WDR27: variants seen among roughly 807,000 people sequenced by gnomAD.
WDR27 encodes WD repeat-containing protein 27.
Under a neutral mutation model 114.4 loss-of-function variants are expected in WDR27, and 100 were observed. The ratio of observed to expected loss-of-function variants is 0.87; its 90% CI spans 0.74 to 1.03. The LOEUF is 1.03. WDR27 is among the 50% of genes least tolerant of loss of function. WDR27 has a pLI of 0.00. For synonymous variants in WDR27, 449 were observed against 423.1 expected (o/e 1.06, Z -0.75); for missense variants, 1,129 against 1,092.9 (o/e 1.03, Z -0.47).
chr6:169,532,033 A>G (rs1795667578), intron 25 of WDR27, among the ~76,000 whole-genome samples: 1 of 152,246 alleles, frequency 6.6e-6, no homozygotes, highest in Admixed American at 6.5e-5. Context: ...AGTATCTTTA[A>G]AGTCTTAAAT....
chr6:169,626,789 C>T (rs1318244652), intron 21 of WDR27, among the ~76,000 whole-genome samples: 1 of 152,220 alleles, frequency 6.6e-6, no homozygotes, highest in African/African-American at 2.4e-5. Flanking sequence ...CACACAGAAC[C>T]AGCCCTTCGA....
intron 24 of WDR27, among the ~76,000 whole-genome samples, chr6:169,582,218 A>G (rs1584376180): frequency 6.6e-6 from 1 of 151,824 alleles, no homozygotes; most frequent in Non-Finnish European, 1.5e-5. Flanking sequence ...CAGGTGATTC[A>G]CCCGCCTCGG....
chr6:169,445,032 G>T, the WDR27 span, among the ~76,000 whole-genome samples: 1 of 152,096 alleles, frequency 6.6e-6, no homozygotes, highest in Non-Finnish European at 1.5e-5. Flanking sequence ...TGGCACACAG[G>T]ATGGGATTCG....
At chr6:169,481,028 TA>T (rs913607487) in intron 25 of WDR27, among the ~76,000 whole-genome samples, 15 of 151,876 alleles carry the variant, frequency 9.9e-5, no homozygotes, top group African/African-American at 3.6e-4. Context: ...GCTAAATGTT[TA>T]TGGATGCATC....
intron 23 of WDR27, among the ~76,000 whole-genome samples, chr6:169,593,313 G>A (rs922237190): frequency 6.6e-6 from 1 of 152,154 alleles, no homozygotes; most frequent in Non-Finnish European, 1.5e-5. Context: ...ACGAAAAGTG[G>A]CCTGTTAAAT....
the WDR27 span, among the ~76,000 whole-genome samples, chr6:169,439,933 G>A: frequency 1.3e-5 from 2 of 149,694 alleles, no homozygotes; most frequent in African/African-American, 4.9e-5. Context: ...TATTATATTG[G>A]TAATATAATT....
At chr6:169,617,882 G>C (rs770586339) in intron 21 of WDR27, among the ~76,000 whole-genome samples, 1 of 152,192 alleles carries the variant, frequency 6.6e-6, no homozygotes, top group Non-Finnish European at 1.5e-5. Context: ...TCTGCAGCTC[G>C]ATTTTACAGC....
At position 169,477,962 on chromosome 6, in the gene WDR27, TA is replaced by T. The variant is rs201023042; in HGVS notation, c.2646-20329del. The stretch of plus-strand genomic sequence containing the variant: ...TATGCAATGGAACTTGACTTGGCAA[TA>T]AAAAAAACTATTGATACATAAACAA... On this transcript the variant is annotated intron_variant, in intron 25 of 25. Coordinates refer to ENST00000448612, the MANE Select transcript of WDR27 (RefSeq NM_182552.5). Among the ~76,000 whole-genome samples the T allele has an allele frequency of 1.7e-3, 252 of 151,974 alleles. 2 individuals carry two copies. The highest frequency in any genetic ancestry group is 3.4e-3 in the Middle Eastern group (1 of 292).
At chr6:169,450,428 T>C in the WDR27 span, among the ~76,000 whole-genome samples, 2 of 152,220 alleles carry the variant, frequency 1.3e-5, no homozygotes, top group Non-Finnish European at 2.9e-5. Context: ...TGAACGGAAT[T>C]GCACAGGAGC....
chr6:169,679,423 G>A (rs1199742556), intron 2 of WDR27, among the ~76,000 whole-genome samples: 1 of 152,210 alleles, frequency 6.6e-6, no homozygotes, highest in Non-Finnish European at 1.5e-5. Flanking sequence ...AGGGGACCAG[G>A]AGTAGAATGA....
chr6:169,596,239 C>G (rs1298556307), intron 23 of WDR27, among the ~76,000 whole-genome samples: 1 of 151,942 alleles, frequency 6.6e-6, no homozygotes, highest in Non-Finnish European at 1.5e-5. Flanking sequence ...CCAGGGACTC[C>G]TTTTACATGT....
In WDR27 at chr6:169,665,387, G is replaced by C. The variant is rs1246138808; in HGVS notation, c.783+99C>G. On this transcript the variant is annotated intron_variant, in intron 7 of 25. Transcript: ENST00000448612. ...TGAGGTGGACAGGTTTTTTCAAATC[G>C]CAGGAAAATACAAAGTAGCATGAAG... is the stretch of plus-strand genomic sequence containing the variant. 6 of 1,479,400 alleles carry C rather than the reference G, an allele frequency of 4.1e-6. No homozygotes were observed. In the African/African-American group the frequency reaches 4.2e-5, roughly 10 times the overall value. The allele number at this position is 1,479,400 out of a possible 1,614,324, so 91.6% of individuals were successfully genotyped here.
intron 25 of WDR27, among the ~76,000 whole-genome samples, chr6:169,474,038 G>A (rs1271854393): frequency 6.6e-6 from 1 of 152,250 alleles, no homozygotes; most frequent in East Asian, 1.9e-4. Context: ...TGAAAGGCAA[G>A]CTATGAAGGA....
chr6:169,446,411 G>C, the WDR27 span, among the ~76,000 whole-genome samples: 1 of 152,038 alleles, frequency 6.6e-6, no homozygotes, highest in East Asian at 1.9e-4. Context: ...GGGAAGGTGG[G>C]CAGGGGCCGG....
the WDR27 span, among the ~76,000 whole-genome samples, chr6:169,436,839 C>A: frequency 6.6e-6 from 1 of 151,978 alleles, no homozygotes; most frequent in Non-Finnish European, 1.5e-5. Context: ...CAATTAATAT[C>A]ATGTCCTGTT....
the WDR27 span, among the ~76,000 whole-genome samples, chr6:169,447,873 C>T: frequency 3.3e-5 from 5 of 152,162 alleles, no homozygotes; most frequent in African/African-American, 1.2e-4. Context: ...CTTTTTAAAT[C>T]AATTTCTGGG....
chr6:169,634,611 AAAG>A, intron 19 of WDR27, 86 bp from the exon 20 acceptor site: 1 of 846,632 alleles, frequency 1.2e-6, no homozygotes. Flanking sequence ...TTAAACATGA[AAAG>A]AAAGTTTTCA....
At chr6:169,654,525 G>T (rs1027414749) in intron 13 of WDR27, among the ~76,000 whole-genome samples, 1 of 152,220 alleles carries the variant, frequency 6.6e-6, no homozygotes, top group African/African-American at 2.4e-5. Context: ...AGACACCTCT[G>T]TATCGTCACT....
At chr6:169,598,824 G>A (rs879306303) in intron 23 of WDR27, among the ~76,000 whole-genome samples, 2 of 152,178 alleles carry the variant, frequency 1.3e-5, no homozygotes, top group Non-Finnish European at 2.9e-5. Flanking sequence ...AGAGCCGACA[G>A]AAAATAAGTG....
Sources: allele counts gnomAD v4.1 joint callset (sites outside exome capture counted in the v4.1 genomes callset), GRCh38; gene constraint gnomAD v4.1.1; transcripts MANE v1.5; gene names NCBI Gene and HGNC (gene_info 2026-07-23, HGNC 2026-07-21).